KLHL29: variants seen among roughly 807,000 people sequenced by gnomAD.
KLHL29 encodes kelch like family member 29.
Under a neutral mutation model 80.4 loss-of-function variants are expected in KLHL29, and 21 were observed. The observed-to-expected ratio is 0.26, with a 90% confidence interval of 0.19 to 0.38. The LOEUF (loss-of-function observed/expected upper bound fraction) is 0.38. KLHL29 is among the 10% of genes least tolerant of loss of function. The pLI is 1.00. For missense variants in KLHL29, 867 were observed against 1,223.9 expected (o/e 0.71, Z 4.35); for synonymous variants, 511 against 526.8 (o/e 0.97, Z 0.41).
At chr2:23,671,534 A>G (rs1288890119) in intron 5 of KLHL29, among the ~76,000 whole-genome samples, 2 of 152,166 alleles carry the variant, frequency 1.3e-5, no homozygotes, top group African/African-American at 2.4e-5. Context: ...CTTATGGAGG[A>G]ATACCATTTC....
intron 2 of KLHL29, among the ~76,000 whole-genome samples, chr2:23,534,529 A>G (rs1413502643): frequency 1.5e-5 from 2 of 137,216 alleles, no homozygotes; most frequent in African/African-American, 5.9e-5. Context: ...CTTAGCCAGA[A>G]TGACTTATTT....
intron 3 of KLHL29, among the ~76,000 whole-genome samples, chr2:23,610,901 T>C (rs1334264658): frequency 6.6e-6 from 1 of 152,280 alleles, no homozygotes; most frequent in Non-Finnish European, 1.5e-5. Flanking sequence ...TCACTTATTC[T>C]GTGCCAAGCA....
At chr2:23,448,810 C>T (rs752863192) in intron 1 of KLHL29, among the ~76,000 whole-genome samples, 4 of 152,112 alleles carry the variant, frequency 2.6e-5, no homozygotes, top group East Asian at 1.9e-4. Flanking sequence ...TGCCAGAGAA[C>T]GGCAGAATCT....
chr2:23,571,421 C>T (rs1667714845), intron 3 of KLHL29, among the ~76,000 whole-genome samples: 1 of 152,222 alleles, frequency 6.6e-6, no homozygotes, highest in Non-Finnish European at 1.5e-5. Context: ...TCTCCCTTCC[C>T]AGCAGAACCC....
chr2:23,512,665 C>T (rs2103463340), intron 2 of KLHL29, among the ~76,000 whole-genome samples: 1 of 152,302 alleles, frequency 6.6e-6, no homozygotes, highest in South Asian at 2.1e-4. Context: ...TAGTCACTAA[C>T]AAATCCATTT....
intron 1 of KLHL29, among the ~76,000 whole-genome samples, chr2:23,432,735 G>T (rs1663217662): frequency 6.6e-6 from 1 of 152,224 alleles, no homozygotes; most frequent in African/African-American, 2.4e-5. Flanking sequence ...AGCTGTGCAG[G>T]TGCTGAGGCA....
At chr2:23,476,402 A>G (rs1664642933) in intron 2 of KLHL29, among the ~76,000 whole-genome samples, 1 of 152,230 alleles carries the variant, frequency 6.6e-6, no homozygotes. Flanking sequence ...TAAATGACTT[A>G]TAATCCTGTT....
intron 3 of KLHL29, among the ~76,000 whole-genome samples, chr2:23,592,224 G>A (rs574097514): frequency 1.3e-5 from 2 of 148,530 alleles, no homozygotes; most frequent in Non-Finnish European, 3.0e-5. Flanking sequence ...AGGGGCACAG[G>A]AGCACGTCAG....
chr2:23,531,074 C>CT lies in KLHL29; in HGVS notation c.-45-31077dup, dbSNP rs373144449. Reference sequence around the variant, plus strand: ...AGAAGTGCAAAGTTCAGGTTGACACCTGGATGCACAGTGAGGTAGAGGGGG... The same window carrying CT: ...AGAAGTGCAAAGTTCAGGTTGACACCTTGGATGCACAGTGAGGTAGAGGGGG... On this transcript the variant is annotated intron_variant, in intron 2 of 13. Transcript: ENST00000486442. Among the ~76,000 whole-genome samples the CT allele has an allele frequency of 6.1e-3, 922 of 152,196 alleles. 12 individuals are homozygous for CT. Among genetic ancestry groups the CT allele is most frequent in the African/African-American group, 0.021 (852 of 41,448 alleles).
At chr2:23,563,354 C>T (rs1667499879) in intron 3 of KLHL29, among the ~76,000 whole-genome samples, 1 of 152,238 alleles carries the variant, frequency 6.6e-6, no homozygotes, top group Non-Finnish European at 1.5e-5. Flanking sequence ...GTAGGAAGGC[C>T]ATCGGTCCCC....
At chr2:23,419,048 C>G (rs878941315) in intron 1 of KLHL29, among the ~76,000 whole-genome samples, 4 of 152,148 alleles carry the variant, frequency 2.6e-5, no homozygotes, top group Admixed American at 2.6e-4. Flanking sequence ...GTCACACGCC[C>G]CATTGGTGTC....
chr2:23,650,781 T>G (rs149722317), intron 5 of KLHL29, among the ~76,000 whole-genome samples: 172 of 152,318 alleles, frequency 1.1e-3, no homozygotes, highest in African/African-American at 3.9e-3. Context: ...TATTTAAACA[T>G]CTGGCATCTG....
At chr2:23,473,219 T>C (rs1030611898) in intron 1 of KLHL29, among the ~76,000 whole-genome samples, 1 of 152,098 alleles carries the variant, frequency 6.6e-6, no homozygotes, top group African/African-American at 2.4e-5. Context: ...GTCCCCAGTC[T>C]CCTGCTAGTG....
intron 3 of KLHL29, among the ~76,000 whole-genome samples, chr2:23,597,315 G>A (rs815353): frequency 8.2e-4 from 104 of 127,558 alleles, no homozygotes; most frequent in African/African-American, 2.0e-3. Context: ...ATATATGTGT[G>A]TGTGTGTGTG....
rs565643932 is a variant in KLHL29, at chr2:23,628,754, G to A, written c.286-10385G>A. ...GGGAGTCCACCTGTGGCCCCACACCGGCCCATAGCCCTGTACAGGGGACTT... is the reference window on the plus strand; with the variant it reads ...GGGAGTCCACCTGTGGCCCCACACCAGCCCATAGCCCTGTACAGGGGACTT... On this transcript the variant is annotated intron_variant, in intron 3 of 13. Transcript: ENST00000486442. Among the ~76,000 whole-genome samples the A allele has an allele frequency of 5.1e-3, 773 of 152,318 alleles. 5 individuals carry two copies. The highest frequency in any genetic ancestry group is 0.017 in the African/African-American group (707 of 41,562).
chr2:23,642,644 C>A lies in KLHL29; in HGVS notation c.734C>A (p.Ala245Asp). The A allele has an allele frequency of 6.5e-7, 1 of 1,549,408 alleles. No individual in the cohort carries two copies. Among genetic ancestry groups the A allele is most frequent in the South Asian group, 1.2e-5 (1 of 83,994 alleles). Residue 245 changes from alanine to aspartate, a missense_variant, in exon 5 of 14, where the codon GCC becomes GAC. Transcript: ENST00000486442. ...ACACTGCCCGGTGTGGGGCAGGTGGCCCGCCCAGGACCCACCGCTGTGGGC... is the reference window on the plus strand; with the variant it reads ...ACACTGCCCGGTGTGGGGCAGGTGGACCGCCCAGGACCCACCGCTGTGGGC... ...VSTLPGVGQV[A>D]RPGPTAVGNG...
chr2:23,468,867 T>A (rs1180924179), intron 1 of KLHL29, among the ~76,000 whole-genome samples: 2 of 152,226 alleles, frequency 1.3e-5, no homozygotes, highest in Non-Finnish European at 2.9e-5. Flanking sequence ...CTGCTCTCTC[T>A]GGGCTCTGCT....
chr2:23,501,625 T>G (rs1441990231), intron 2 of KLHL29, among the ~76,000 whole-genome samples: 1 of 152,190 alleles, frequency 6.6e-6, no homozygotes, highest in African/African-American at 2.4e-5. Context: ...TTCAAACTAG[T>G]AAAACTAAAA....
chr2:23,592,659 T>C (rs551417534), intron 3 of KLHL29, among the ~76,000 whole-genome samples: 30 of 152,340 alleles, frequency 2.0e-4, no homozygotes, highest in Admixed American at 6.5e-4. Flanking sequence ...CTTTCCATAG[T>C]AGACCTGACA....
Sources: allele counts gnomAD v4.1 joint callset (sites outside exome capture counted in the v4.1 genomes callset), GRCh38; gene constraint gnomAD v4.1.1; transcripts MANE v1.5; gene names NCBI Gene and HGNC (gene_info 2026-07-23, HGNC 2026-07-21).